The following KCNQ3 variants were observed in gnomAD, a reference collection of about 807,000 sequenced individuals.
KCNQ3 encodes potassium voltage-gated channel subfamily Q member 3.
In KCNQ3, 30 loss-of-function variants were observed where a neutral mutation model predicts 92.5. That is an observed-to-expected ratio of 0.32 (90% CI 0.24 to 0.44). KCNQ3 has a LOEUF of 0.44. Ranked by LOEUF, KCNQ3 falls within the 20% of genes least tolerant of loss-of-function variation. The pLI is 1.00. For missense variants in KCNQ3, 913 were observed against 1,140.3 expected, an observed-to-expected ratio of 0.80 and a Z score of 2.87; for synonymous variants, 450 against 468.8, an observed-to-expected ratio of 0.96 and a Z score of 0.52.
At chr8:132,380,484 G>A (rs536259481) in intron 1 of KCNQ3, among the ~76,000 whole-genome samples, 10 of 152,238 alleles carry the variant, frequency 6.6e-5, no homozygotes, top group Middle Eastern at 3.4e-3. Context: ...AACAGCCCCC[G>A]AGACTAAGAA....
intron 1 of KCNQ3, among the ~76,000 whole-genome samples, chr8:132,260,056 T>G (rs1391216150): frequency 6.6e-6 from 1 of 152,280 alleles, no homozygotes; most frequent in South Asian, 2.1e-4. Flanking sequence ...TTTAGCATTG[T>G]TAAGATGAAA....
At chr8:132,444,965 G>T (rs750025790) in intron 1 of KCNQ3, among the ~76,000 whole-genome samples, 9 of 152,304 alleles carry the variant, frequency 5.9e-5, no homozygotes, top group African/African-American at 2.2e-4. Context: ...AAATTAGTTG[G>T]TGAGAAAGTA....
intron 1 of KCNQ3, among the ~76,000 whole-genome samples, chr8:132,327,140 C>T (rs114667895): frequency 2.4e-3 from 366 of 152,278 alleles, no homozygotes; most frequent in African/African-American, 8.5e-3. Context: ...GAGGCAGGTG[C>T]TGAAAAATCA....
Position 132,129,944 on chromosome 8 carries a change from T to C in KCNQ3, c.1937A>G (p.His646Arg), listed in dbSNP as rs765425279. The C allele has an allele frequency of 3.1e-6, 5 of 1,614,004 alleles. No homozygotes were observed. The highest frequency in any genetic ancestry group is 3.4e-6 in the Non-Finnish European group (4 of 1,179,894). Reference sequence around the variant, plus strand: ...GACCTGCACCTGCAACCGTTCCATGTGTTGCATGTGCATATCCACGAGGAA... The same window carrying C: ...GACCTGCACCTGCAACCGTTCCATGCGTTGCATGTGCATATCCACGAGGAA... The part of the protein sequence containing the change: ...LDFLVDMHMQ[H>R]MERLQVQVTE... The change falls in exon 15 of 15, where the codon CAC (histidine) becomes CGC (arginine). Residue 646 changes from histidine (H) to arginine (R), a missense_variant. By Grantham distance (29) the His-to-Arg change is conservative (BLOSUM62 0). This residue lies in a region of KCNQ3 where 375 missense variants were observed against 376.4 expected (regional missense o/e 1.00). Transcript: ENST00000388996. This position sits in a 1 kb window ranked among gnomAD's most constrained non-coding sequence, Gnocchi z 5.9.
At chr8:132,342,083 T>G (rs1252017310) in intron 1 of KCNQ3, among the ~76,000 whole-genome samples, 1 of 152,106 alleles carries the variant, frequency 6.6e-6, no homozygotes, top group African/African-American at 2.4e-5. Flanking sequence ...CCTGTCCCCT[T>G]CCCAATTCAT....
Position 132,129,802 on chromosome 8 carries a change from CG to C in KCNQ3, c.2078del (p.Pro693ArgfsTer10). On this transcript the variant is annotated frameshift_variant, in exon 15 of 15. Coordinates refer to ENST00000388996, the MANE Select transcript of KCNQ3 (RefSeq NM_004519.4). LOFTEE classifies it high-confidence loss of function. The surrounding 1 kb of genome is among the most constrained non-coding windows in gnomAD (Gnocchi z 5.9). ...IICNYSETGP[P>X]EPPYSFHQVT... is the part of the protein sequence containing the mutation. ...CCTGGTGGAAGCTGTAGGGTGGTTC[CG>C]GGGGGCCTGTCTCAGAATAGTTGCA... The C allele has an allele frequency of 6.2e-7, 1 of 1,614,110 alleles. No homozygotes were observed.
At chr8:132,361,185 A>G (rs930843902) in intron 1 of KCNQ3, among the ~76,000 whole-genome samples, 1 of 152,178 alleles carries the variant, frequency 6.6e-6, no homozygotes, top group Non-Finnish European at 1.5e-5. Flanking sequence ...CAAAGTCCAG[A>G]CCCCTGACCA....
At chr8:132,436,371 A>G (rs995573175) in intron 1 of KCNQ3, among the ~76,000 whole-genome samples, 3 of 152,242 alleles carry the variant, frequency 2.0e-5, no homozygotes, top group Non-Finnish European at 2.9e-5. Flanking sequence ...AACATTTTCA[A>G]TATTTCTTAA....
At chr8:132,367,471 C>T (rs1563881446) in intron 1 of KCNQ3, among the ~76,000 whole-genome samples, 1 of 152,184 alleles carries the variant, frequency 6.6e-6, no homozygotes, top group African/African-American at 2.4e-5. Flanking sequence ...AAGAGGCGGG[C>T]TTTGCTTTCA....
chr8:132,475,976 G>A (rs1299340818), intron 1 of KCNQ3, among the ~76,000 whole-genome samples: 2 of 152,230 alleles, frequency 1.3e-5, no homozygotes, highest in African/African-American at 4.8e-5. Flanking sequence ...TGAAGCTGCT[G>A]GACTTGGTGC....
At chr8:132,359,129 G>A (rs73343901) in intron 1 of KCNQ3, among the ~76,000 whole-genome samples, 11,086 of 152,154 alleles carry the variant, frequency 0.073, 455 homozygotes, top group South Asian at 0.16. Context: ...AGTATAATTG[G>A]GAGGGTCAAA....
chr8:132,149,319 T>G (rs947731038), intron 9 of KCNQ3, among the ~76,000 whole-genome samples: 1 of 152,198 alleles, frequency 6.6e-6, no homozygotes, highest in Non-Finnish European at 1.5e-5. Flanking sequence ...GGGTGGGGAC[T>G]TGGGATGCTA....
intron 1 of KCNQ3, among the ~76,000 whole-genome samples, chr8:132,202,083 T>C (rs933300686): frequency 3.3e-5 from 5 of 152,186 alleles, no homozygotes; most frequent in African/African-American, 1.2e-4. Context: ...CCACAACTTG[T>C]TGACCCAATT....
At chr8:132,247,244 C>T (rs1166011179) in intron 1 of KCNQ3, among the ~76,000 whole-genome samples, 1 of 152,150 alleles carries the variant, frequency 6.6e-6, no homozygotes, top group African/African-American at 2.4e-5. Flanking sequence ...TGCATTTTCT[C>T]TTCTCTATTT....
At chr8:132,397,811 A>C (rs1290190933) in intron 1 of KCNQ3, among the ~76,000 whole-genome samples, 1 of 152,194 alleles carries the variant, frequency 6.6e-6, no homozygotes, top group Non-Finnish European at 1.5e-5. Context: ...AAAGGTTGTT[A>C]TCTCACTTCA....
chr8:132,473,867 G>C (rs1352971555), intron 1 of KCNQ3, among the ~76,000 whole-genome samples: 1 of 152,202 alleles, frequency 6.6e-6, no homozygotes, highest in Non-Finnish European at 1.5e-5. Flanking sequence ...AACATGCTAA[G>C]TCCACTAGGC....
chr8:132,279,216 T>TA (rs543739987), intron 1 of KCNQ3, among the ~76,000 whole-genome samples: 9 of 151,426 alleles, frequency 5.9e-5, no homozygotes, highest in Admixed American at 2.6e-4. Flanking sequence ...AGATTCCATC[T>TA]AAAAAAAAAT....
At chr8:132,398,907 C>T (rs1820264270) in intron 1 of KCNQ3, among the ~76,000 whole-genome samples, 1 of 152,188 alleles carries the variant, frequency 6.6e-6, no homozygotes, top group South Asian at 2.1e-4. Flanking sequence ...CCTGAGACAG[C>T]CTAAGTTAAA....
chr8:132,409,460 T>TAA (rs373219048), intron 1 of KCNQ3, among the ~76,000 whole-genome samples: 2 of 142,692 alleles, frequency 1.4e-5, no homozygotes, highest in Non-Finnish European at 3.1e-5. Flanking sequence ...AGATCTCCTG[T>TAA]AAAAAAAAAA....
Sources: allele counts gnomAD v4.1 joint callset (sites outside exome capture counted in the v4.1 genomes callset), GRCh38; gene constraint gnomAD v4.1.1; regional missense constraint gnomAD v4.1.1; non-coding constraint Gnocchi (gnomAD v3.1); transcripts MANE v1.5; gene names NCBI Gene and HGNC (gene_info 2026-07-23, HGNC 2026-07-21).